TMC5: variants seen among roughly 807,000 people sequenced by gnomAD.
The protein encoded by TMC5 is transmembrane channel-like protein 5.
Under a neutral mutation model 110.5 loss-of-function variants are expected in TMC5, and 86 were observed. That is an observed-to-expected ratio of 0.78 (90% CI 0.65 to 0.93). The LOEUF is 0.93. Among genes scored for constraint, TMC5 ranks in the 40% least tolerant of loss-of-function variants. The pLI is 0.00. For missense variants in TMC5, 1,144 were observed against 1,222.8 expected, an observed-to-expected ratio of 0.94 and a Z score of 0.96; for synonymous variants, 455 against 439.5, an observed-to-expected ratio of 1.04 and a Z score of -0.44.
At chr16:19,456,390 C>T in intron 5 of TMC5, 1 of 927,632 alleles carries the variant, frequency 1.1e-6, no homozygotes, top group Non-Finnish European at 1.3e-6. Flanking sequence ...CCTTCTGTTT[C>T]TAGAATCCCA....
chr16:19,421,215 A>G (rs994963869), intron 1 of TMC5, among the ~76,000 whole-genome samples: 7 of 151,984 alleles, frequency 4.6e-5, no homozygotes, highest in African/African-American at 7.3e-5. Context: ...GGTTTTTTGC[A>G]CTTATTTTTA....
intron 19 of TMC5, 52 bp downstream of exon 19, chr16:19,492,280 G>T: frequency 7.9e-7 from 1 of 1,263,646 alleles, no homozygotes; most frequent in Admixed American, 1.7e-5. Flanking sequence ...TTTAAACGCT[G>T]TATAAACATC....
chr16:19,446,446 C>G (rs997443806), intron 4 of TMC5, among the ~76,000 whole-genome samples: 4 of 152,238 alleles, frequency 2.6e-5, no homozygotes, highest in Non-Finnish European at 5.9e-5. Context: ...CTGTGCTACT[C>G]CAGTGCAAGT....
Position 19,444,225 on chromosome 16 carries a change from G to T in TMC5, c.933G>T (p.Leu311=). 6.2e-7 allele frequency: 1 copy of T among 1,613,898 alleles called. No homozygotes were observed. Residue 311 remains leucine, a synonymous_variant, in exon 4 of 22, where the codon CTG becomes CTT. Coordinates refer to ENST00000542583, the MANE Select transcript of TMC5 (RefSeq NM_001261841.2). ...TGGCAAACTCATATGGCCACTCTCT[G>T]CCAGGTGCTCCTGGAAGTGGCTATG... ...MEMANSYGHS[L]PGAPGSGYVN...
At chr16:19,456,711 T>A in intron 5 of TMC5, 1 of 1,605,780 alleles carries the variant, frequency 6.2e-7, no homozygotes, top group Non-Finnish European at 8.5e-7. Context: ...CAGGAGATGC[T>A]GTCCGATGAC....
intron 1 of TMC5, among the ~76,000 whole-genome samples, chr16:19,424,558 A>G (rs1473762752): frequency 6.6e-6 from 1 of 152,194 alleles, no homozygotes; most frequent in African/African-American, 2.4e-5. Context: ...CTGAGACAGG[A>G]GAACCACTTC....
In TMC5 at chr16:19,462,422, C is replaced by G. The variant is rs73540113; in HGVS notation, c.1149-858C>G. The G allele has an allele frequency of 0.01, 6,848 of 676,952 alleles. 348 individuals carry two copies. In the African/African-American group the frequency reaches 0.1, roughly 10 times the overall value. 41.9% of individuals were successfully genotyped at this position (676,952 alleles called of 1,614,324 possible). A position where few individuals can be genotyped will look rare whatever the true frequency, so the allele number is the denominator to read the frequency against. ...GGTTGAGAATGTGTATTAGTCTGCT[C>G]TCACTCTGCTAATAAAGACATACTT... On this transcript the variant is annotated intron_variant, in intron 6 of 21. Coordinates refer to ENST00000542583, the MANE Select transcript of TMC5 (RefSeq NM_001261841.2).
intron 17 of TMC5, among the ~76,000 whole-genome samples, chr16:19,489,850 G>A (rs1968843611): frequency 6.6e-6 from 1 of 150,528 alleles, no homozygotes; most frequent in African/African-American, 2.4e-5. Flanking sequence ...GTACAGTGGT[G>A]TGATCACAGC....
intron 1 of TMC5, among the ~76,000 whole-genome samples, chr16:19,423,901 GCCA>G (rs764885067): frequency 4.1e-4 from 63 of 152,298 alleles, no homozygotes; most frequent in Non-Finnish European, 7.9e-4. Context: ...ACAGGCATGT[GCCA>G]CCACACCTGG....
Position 19,474,290 on chromosome 16 carries a change from C to A in TMC5, c.2090+14C>A. 6.2e-7 allele frequency: 1 copy of A among 1,611,362 alleles called. No individual in the cohort carries two copies. The highest frequency in any genetic ancestry group is 8.5e-7 in the Non-Finnish European group (1 of 1,178,560). On this transcript the variant is annotated intron_variant, in intron 12 of 21. Transcript: ENST00000542583. ...TCTCCTGATCCGGTAGGTGATGTGTCGCGCCCAACACCAGCCTCTATTTCC... is the reference window on the plus strand; with the variant it reads ...TCTCCTGATCCGGTAGGTGATGTGTAGCGCCCAACACCAGCCTCTATTTCC...
chr16:19,465,489 A>C (rs890340612), intron 8 of TMC5, among the ~76,000 whole-genome samples: 11 of 152,140 alleles, frequency 7.2e-5, no homozygotes, highest in Non-Finnish European at 1.5e-4. Context: ...AGATCTTGCC[A>C]TTGCACTCCA....
chr16:19,440,730 A>G lies in TMC5; in HGVS notation c.692A>G (p.Asn231Ser), dbSNP rs776674953. 6.2e-6 allele frequency: 10 copies of G among 1,614,074 alleles called. No homozygotes were observed. In the Admixed American group the frequency reaches 8.3e-5, roughly 13 times the overall value. Residue 231 changes from asparagine (N) to serine (S), a missense_variant, in exon 3 of 22, where the codon AAT becomes AGT. Asn to Ser is a conservative substitution (Grantham distance 46). Coordinates refer to ENST00000542583, the MANE Select transcript of TMC5 (RefSeq NM_001261841.2). Reference sequence around the variant, plus strand: ...CCAGACTATCCCAGTGCTGAGGACAATCAGAACTTGCCAAGCACTTGGAGA... The same window carrying G: ...CCAGACTATCCCAGTGCTGAGGACAGTCAGAACTTGCCAAGCACTTGGAGA... The part of the protein sequence containing the change: ...GEPDYPSAED[N>S]QNLPSTWREP...
intron 2 of TMC5, among the ~76,000 whole-genome samples, chr16:19,437,632 T>G (rs1334465307): frequency 6.6e-6 from 1 of 152,194 alleles, no homozygotes; most frequent in East Asian, 1.9e-4. Context: ...AATGTTCTAC[T>G]TCCTTATTTC....
intron 5 of TMC5, 143 bp downstream of exon 5, chr16:19,449,774 G>T (rs1967706224): frequency 8.7e-6 from 6 of 690,334 alleles, no homozygotes; most frequent in Non-Finnish European, 1.5e-5. Flanking sequence ...TATTGAGGGA[G>T]TTCCCTTGAA....
chr16:19,469,881 G>T, intron 10 of TMC5, 56 bp downstream of exon 10: 2 of 1,560,420 alleles, frequency 1.3e-6, no homozygotes, highest in Non-Finnish European at 8.7e-7. Context: ...CCCTTCTCCA[G>T]TATACCTGTA....
At chr16:19,483,479 A>T (rs1010494469) in intron 15 of TMC5, among the ~76,000 whole-genome samples, 5 of 152,150 alleles carry the variant, frequency 3.3e-5, no homozygotes, top group Admixed American at 2.0e-4. Flanking sequence ...AAATGCACAT[A>T]AGAATAGCTA....
At chr16:19,454,990 A>T (rs1967831525) in intron 5 of TMC5, among the ~76,000 whole-genome samples, 1 of 151,876 alleles carries the variant, frequency 6.6e-6, no homozygotes, top group African/African-American at 2.4e-5. Context: ...AAAAACAAAT[A>T]GCTGGGCATG....
chr16:19,443,993 TTGAATGGATGGA>T lies in TMC5; in HGVS notation c.789-85_789-74del, dbSNP rs1178362548. Reference sequence around the variant, plus strand: ...GATAAATAAATGGATGAATACATGATTGAATGGATGGATGGATGGATGGATGGATGGATGACA... The same window carrying T: ...GATAAATAAATGGATGAATACATGATTGGATGGATGGATGGATGGATGACA... On this transcript the variant is annotated intron_variant, in intron 3 of 21. Transcript: ENST00000542583. 7.6e-5 allele frequency: 92 copies of T among 1,215,120 alleles called. No individual in the cohort carries two copies. The East Asian group carries it at 1.6e-3, about 21-fold the overall frequency. The allele number at this position is 1,215,120 out of a possible 1,614,324, so 75.3% of individuals were successfully genotyped here.
chr16:19,496,650 C>T lies in TMC5; in HGVS notation c.2932-471C>T, dbSNP rs539572821. On this transcript the variant is annotated intron_variant, in intron 20 of 21. Coordinates refer to ENST00000542583, the MANE Select transcript of TMC5 (RefSeq NM_001261841.2). ...CTGTAATCCCAGCACTTTGGGAGGC[C>T]GAGGTGGACAGATCACTTGAGGTCA... Among the ~76,000 whole-genome samples the T allele has an allele frequency of 5.9e-5, 9 of 151,772 alleles. No homozygotes were observed. The South Asian group carries it at 6.2e-4, about 11-fold the overall frequency.
Sources: allele counts gnomAD v4.1 joint callset (sites outside exome capture counted in the v4.1 genomes callset), GRCh38; gene constraint gnomAD v4.1.1; transcripts MANE v1.5; gene names NCBI Gene and HGNC (gene_info 2026-07-23, HGNC 2026-07-21).